The following LINGO1 variants were observed in gnomAD, a reference collection of about 807,000 sequenced individuals.
The protein encoded by LINGO1 is leucine-rich repeat and immunoglobulin-like domain-containing nogo receptor-interacting protein 1.
A neutral mutation model predicts 37.3 loss-of-function variants in LINGO1; 11 were observed. The observed-to-expected ratio is 0.29, with a 90% CI of 0.19 to 0.49. The LOEUF (loss-of-function observed/expected upper bound fraction) is 0.49. Ranked by LOEUF, LINGO1 falls within the 20% of genes least tolerant of loss-of-function variation. The probability of loss-of-function intolerance (pLI) is 0.99; values close to 1 mark genes in which losing one functional copy is unlikely to be tolerated. For synonymous variants in LINGO1, 387 were observed against 403.0 expected (o/e 0.96, Z 0.48); for missense variants, 585 against 878.2 (o/e 0.67, Z 4.22).
chr15:77,715,405 C>T (rs1311090140), intron 2 of LINGO1, among the ~76,000 whole-genome samples: 3 of 152,176 alleles, frequency 2.0e-5, no homozygotes, highest in African/African-American at 7.2e-5. Flanking sequence ...CATTAACTGT[C>T]CTGAGAGGTA....
intron 1 of LINGO1, among the ~76,000 whole-genome samples, chr15:77,769,490 G>A (rs903153154): frequency 1.3e-5 from 2 of 152,208 alleles, no homozygotes; most frequent in African/African-American, 4.8e-5. Context: ...GGGTCAGCCA[G>A]GGAGTGAGAA....
intron 1 of LINGO1, among the ~76,000 whole-genome samples, chr15:77,816,997 A>C (rs1433133276): frequency 1.3e-5 from 2 of 152,042 alleles, no homozygotes; most frequent in African/African-American, 2.4e-5. Context: ...GAGAAGAAAA[A>C]AACAATGGCA....
Position 77,618,081 on chromosome 15 carries a change from G to A in LINGO1, c.7-2181C>T, listed in dbSNP as rs536946254. Among the ~76,000 whole-genome samples, 16 of 152,316 alleles carry A rather than the reference G, an allele frequency of 1.1e-4. No homozygotes were observed. The South Asian group carries it at 1.7e-3, about 16-fold the overall frequency. On this transcript the variant is annotated intron_variant, in intron 1 of 1. Transcript: ENST00000355300. Reference sequence around the variant, plus strand: ...CAGGCGATCAATAAGTAATTGGGCCGGCAGCTGGGGCTGGCGCGGGTGTGA... The same window carrying A: ...CAGGCGATCAATAAGTAATTGGGCCAGCAGCTGGGGCTGGCGCGGGTGTGA...
At chr15:77,629,821 C>A (rs1023073233) in intron 1 of LINGO1, among the ~76,000 whole-genome samples, 1 of 152,114 alleles carries the variant, frequency 6.6e-6, no homozygotes, top group African/African-American at 2.4e-5. Flanking sequence ...CAAATGCATG[C>A]GTGACTGGGC....
intron 2 of LINGO1, among the ~76,000 whole-genome samples, chr15:77,794,371 TA>T: frequency 1.5e-5 from 1 of 66,736 alleles, no homozygotes; most frequent in Non-Finnish European, 3.1e-5. Flanking sequence ...TGTATATACA[TA>T]CGTATATGTA....
upstream of LINGO1, among the ~76,000 whole-genome samples, chr15:77,699,705 C>T: frequency 3.1e-5 from 2 of 64,476 alleles, no homozygotes; most frequent in African/African-American, 6.0e-5. Flanking sequence ...ACATACTAAC[C>T]ATCATTCCCA....
intron 2 of LINGO1, among the ~76,000 whole-genome samples, chr15:77,683,113 C>A (rs1413751691): frequency 1.3e-5 from 2 of 152,150 alleles, no homozygotes; most frequent in African/African-American, 2.4e-5. Flanking sequence ...CACCCATGGG[C>A]AAAAACTGCA....
chr15:77,711,885 G>C (rs574400359), intron 2 of LINGO1, among the ~76,000 whole-genome samples: 23 of 136,078 alleles, frequency 1.7e-4, no homozygotes, highest in African/African-American at 4.2e-4. Flanking sequence ...CTCCTCTGAG[G>C]GGGGGGCACA....
intron 1 of LINGO1, among the ~76,000 whole-genome samples, chr15:77,768,919 G>T (rs2076556778): frequency 6.6e-6 from 1 of 152,198 alleles, no homozygotes; most frequent in South Asian, 2.1e-4. Flanking sequence ...CCTGCCTGGG[G>T]TTTCTCTCAG....
chr15:77,635,663 C>T (rs1378083391), upstream of LINGO1, among the ~76,000 whole-genome samples: 1 of 152,342 alleles, frequency 6.6e-6, no homozygotes, highest in Non-Finnish European at 1.5e-5. Flanking sequence ...GTGCCTTTTC[C>T]CTGATTTCTA....
chr15:77,732,979 C>A (rs901535524), intron 2 of LINGO1, among the ~76,000 whole-genome samples: 1 of 152,226 alleles, frequency 6.6e-6, no homozygotes, highest in African/African-American at 2.4e-5. Flanking sequence ...TGGATTGGAG[C>A]CTGTCCCTTC....
intron 2 of LINGO1, among the ~76,000 whole-genome samples, chr15:77,730,956 C>T (rs768979489): frequency 6.6e-5 from 10 of 152,216 alleles, no homozygotes; most frequent in Non-Finnish European, 1.5e-4. Context: ...GACCTCTGGC[C>T]ACCATTAGGG....
chr15:77,762,917 T>C (rs2076491585), intron 1 of LINGO1, among the ~76,000 whole-genome samples: 1 of 152,178 alleles, frequency 6.6e-6, no homozygotes, highest in Non-Finnish European at 1.5e-5. Context: ...TGAGGCTGAT[T>C]GCCCTCTGTC....
chr15:77,691,444 G>A (rs1298442502), intron 1 of LINGO1, among the ~76,000 whole-genome samples: 1 of 152,124 alleles, frequency 6.6e-6, no homozygotes, highest in African/African-American at 2.4e-5. Context: ...TTCATCGCCA[G>A]CAGTGTCTTG....
chr15:77,777,022 C>G (rs2076662970), intron 1 of LINGO1, among the ~76,000 whole-genome samples: 1 of 152,170 alleles, frequency 6.6e-6, no homozygotes, highest in Non-Finnish European at 1.5e-5. Context: ...GGGGTATTCC[C>G]ACCATCTAGG....
intron 2 of LINGO1, among the ~76,000 whole-genome samples, chr15:77,714,861 C>A (rs2075964726): frequency 6.6e-6 from 1 of 152,242 alleles, no homozygotes; most frequent in Non-Finnish European, 1.5e-5. Flanking sequence ...ATGACATGAT[C>A]ATTTCCCCAC....
chr15:77,816,061 A>T (rs2077045368), intron 1 of LINGO1, among the ~76,000 whole-genome samples: 1 of 152,084 alleles, frequency 6.6e-6, no homozygotes, highest in South Asian at 2.1e-4. Flanking sequence ...CTGAGCATAG[A>T]TCAAGTGCCG....
At chr15:77,678,249 G>A (rs1337313601) in intron 2 of LINGO1, among the ~76,000 whole-genome samples, 3 of 152,176 alleles carry the variant, frequency 2.0e-5, no homozygotes, top group African/African-American at 7.2e-5. Context: ...TGACAACTGC[G>A]TGTGGCTGTG....
intron 1 of LINGO1, among the ~76,000 whole-genome samples, chr15:77,624,019 G>A (rs528192303): frequency 2.0e-5 from 3 of 147,488 alleles, no homozygotes; most frequent in East Asian, 2.0e-4. Flanking sequence ...TGTGTGTGGT[G>A]TGAGTGGTCA....
Sources: gnomAD v4.1 joint callset for allele counts (sites outside exome capture counted in the v4.1 genomes callset) on GRCh38, gnomAD v4.1.1 for gene constraint, MANE v1.5 for transcripts, NCBI Gene and HGNC (gene_info 2026-07-23, HGNC 2026-07-21) for gene names.